SPECC1: variants seen among roughly 807,000 people sequenced by gnomAD.
The protein encoded by SPECC1 is cytospin-B.
SPECC1 carries 62 observed loss-of-function variants against 104.1 expected under a neutral mutation model. That is an observed-to-expected ratio of 0.60 (90% CI 0.49 to 0.74). The LOEUF is 0.74. Ranked by LOEUF, SPECC1 falls within the 30% of genes least tolerant of loss-of-function variation. SPECC1 has a pLI of 0.00. For synonymous variants in SPECC1, 513 were observed against 501.6 expected (o/e 1.02, Z -0.30); for missense variants, 1,306 against 1,310.5 (o/e 1.00, Z 0.05).
rs571480910 is a variant in SPECC1, at chr17:20,154,627, A to G, written c.283+44065A>G. 2.3e-4 allele frequency among the ~76,000 whole-genome samples: 35 copies of G among 152,276 alleles called. No individual in the cohort carries two copies. The South Asian group carries it at 7.3e-3, about 32-fold the overall frequency. ...CTTTCCCTCCAAGTGAGACAGAAAG[A>G]CACTGGAGCGTTGCAAGTGGGGGTG... is the stretch of plus-strand genomic sequence containing the variant. On this transcript the variant is annotated intron_variant, in intron 3 of 14. Coordinates refer to ENST00000395527, the MANE Select transcript of SPECC1 (RefSeq NM_001243439.2).
At chr17:20,131,159 C>G (rs962210352) in intron 3 of SPECC1, among the ~76,000 whole-genome samples, 6 of 152,022 alleles carry the variant, frequency 3.9e-5, no homozygotes. Flanking sequence ...TCAATGTAAA[C>G]AATCATGTCA....
chr17:20,257,632 A>C, intron 11 of SPECC1, 25 bp downstream of exon 11: 1 of 1,608,876 alleles, frequency 6.2e-7, no homozygotes, highest in Non-Finnish European at 8.5e-7. Context: ...ACAATAAGAA[A>C]TCAGAAAAAC....
At chr17:20,243,851 A>G (rs772050339) in intron 7 of SPECC1, among the ~76,000 whole-genome samples, 1 of 152,212 alleles carries the variant, frequency 6.6e-6, no homozygotes, top group African/African-American at 2.4e-5. Flanking sequence ...ATTATCAAAG[A>G]ATGAAATGTA....
chr17:20,263,751 C>T (rs2040115512), intron 12 of SPECC1, among the ~76,000 whole-genome samples: 1 of 152,128 alleles, frequency 6.6e-6, no homozygotes, highest in Non-Finnish European at 1.5e-5. Context: ...TGCCAGAGTG[C>T]ATATGAAAAG....
intron 12 of SPECC1, among the ~76,000 whole-genome samples, chr17:20,263,592 G>C (rs1270842835): frequency 6.6e-6 from 1 of 152,048 alleles, no homozygotes; most frequent in Non-Finnish European, 1.5e-5. Flanking sequence ...GTCAGAGGGA[G>C]GCAGCTGCCT....
At position 20,314,155 on chromosome 17, in the gene SPECC1, A is replaced by C. The variant is rs2042002548; in HGVS notation, c.*90A>C. 7 of 1,107,226 alleles carry C rather than the reference A, an allele frequency of 6.3e-6. No homozygotes were observed. The highest frequency in any genetic ancestry group is 9.4e-6 in the Non-Finnish European group (7 of 745,584). 68.6% of individuals were successfully genotyped at this position (1,107,226 alleles called of 1,614,324 possible). A position where few individuals can be genotyped will look rare whatever the true frequency, so the allele number is the denominator to read the frequency against. On this transcript the variant is annotated 3_prime_UTR_variant, in exon 15 of 15. Transcript: ENST00000395527. The stretch of plus-strand genomic sequence containing the variant: ...ACTGTCCACTGACCCTGCTCTGCCC[A>C]CCACCCAGCTGCCTAGACTTCAAAG...
intron 3 of SPECC1, among the ~76,000 whole-genome samples, chr17:20,188,178 A>C (rs1597918769): frequency 6.6e-6 from 1 of 152,172 alleles, no homozygotes; most frequent in Non-Finnish European, 1.5e-5. Flanking sequence ...TTGAATGAAA[A>C]ATTAGGTTAT....
intron 3 of SPECC1, among the ~76,000 whole-genome samples, chr17:20,125,204 A>AAAAC (rs10624721): frequency 0.56 from 85,518 of 151,448 alleles, 24,681 homozygotes; most frequent in Middle Eastern, 0.62. Flanking sequence ...AAAACAAAAC[A>AAAAC]AAACAAAAAA....
intron 3 of SPECC1, 100 bp from the exon 4 acceptor site, chr17:20,204,233 C>T: frequency 7.2e-7 from 1 of 1,383,892 alleles, no homozygotes; most frequent in South Asian, 1.4e-5. Flanking sequence ...TGAAGAGCGA[C>T]AGCCACTGTC....
chr17:20,169,723 G>A (rs1044228856), intron 3 of SPECC1, among the ~76,000 whole-genome samples: 30 of 151,998 alleles, frequency 2.0e-4, no homozygotes, highest in African/African-American at 7.3e-4. Context: ...GGCTGGTCTC[G>A]AACTCCTGGC....
chr17:20,052,491 A>G (rs1019545651), intron 1 of SPECC1, among the ~76,000 whole-genome samples: 2 of 152,310 alleles, frequency 1.3e-5, no homozygotes, highest in South Asian at 4.1e-4. Context: ...TCTGTCCCAC[A>G]TTGAGGAATA....
chr17:20,179,783 CAGT>C (rs1349782091), intron 3 of SPECC1, among the ~76,000 whole-genome samples: 1 of 152,112 alleles, frequency 6.6e-6, no homozygotes, highest in Admixed American at 6.6e-5. Context: ...ATATAAGTAA[CAGT>C]AGAGAGCAGT....
At chr17:20,311,486 G>C (rs1461812625) in intron 14 of SPECC1, among the ~76,000 whole-genome samples, 1 of 151,964 alleles carries the variant, frequency 6.6e-6, no homozygotes, top group African/African-American at 2.4e-5. Flanking sequence ...TGCCTCCTGG[G>C]TTCAAGTGAT....
chr17:20,269,690 C>T (rs1004927743), intron 12 of SPECC1, among the ~76,000 whole-genome samples: 2 of 152,236 alleles, frequency 1.3e-5, no homozygotes, highest in African/African-American at 4.8e-5. Context: ...CAGCATTTCA[C>T]ACGTGTTGTC....
chr17:20,189,715 A>G (rs1018881362), intron 3 of SPECC1, among the ~76,000 whole-genome samples: 1 of 152,134 alleles, frequency 6.6e-6, no homozygotes, highest in Non-Finnish European at 1.5e-5. Flanking sequence ...TGCTGTTCAT[A>G]GTGGCCGTGG....
At chr17:20,125,676 A>G (rs1259293844) in intron 3 of SPECC1, among the ~76,000 whole-genome samples, 2 of 152,222 alleles carry the variant, frequency 1.3e-5, no homozygotes, top group Admixed American at 1.3e-4. Context: ...CTTCAGGTTC[A>G]TCCACAATGG....
intron 9 of SPECC1, 138 bp downstream of exon 9, chr17:20,247,457 A>G: frequency 1.9e-6 from 1 of 538,722 alleles, no homozygotes; most frequent in Non-Finnish European, 3.3e-6. Context: ...TGCACTATGC[A>G]TTATTCCAAT....
At chr17:20,214,987 G>A (rs770722212) in intron 4 of SPECC1, among the ~76,000 whole-genome samples, 4 of 152,240 alleles carry the variant, frequency 2.6e-5, no homozygotes, top group Non-Finnish European at 4.4e-5. Context: ...TGTGGGGCAG[G>A]CTTGAGAAGG....
chr17:20,194,502 A>ATTATTTTTTTTTTTTTATTTTAT, intron 3 of SPECC1, among the ~76,000 whole-genome samples: 2 of 86,566 alleles, frequency 2.3e-5, no homozygotes, highest in South Asian at 8.4e-4. Context: ...AAGAGAACGA[A>ATTATTTTTTTTTTTTTATTTTAT]TTTTTTTTTT....
Sources: allele counts gnomAD v4.1 joint callset (sites outside exome capture counted in the v4.1 genomes callset), GRCh38; gene constraint gnomAD v4.1.1; transcripts MANE v1.5; gene names NCBI Gene and HGNC (gene_info 2026-07-23, HGNC 2026-07-21).